The following ANKS1B variants were observed in gnomAD, a reference collection of about 807,000 sequenced individuals.
ANKS1B encodes the protein ankyrin repeat and sterile alpha motif domain containing 1B, also known as ankyrin repeat and sterile alpha motif domain-containing protein 1B.
ANKS1B carries 36 observed loss-of-function variants against 148.3 expected under a neutral mutation model. The ratio of observed to expected loss-of-function variants is 0.24; its 90% CI spans 0.19 to 0.32. The LOEUF is 0.32. Ranked by LOEUF, ANKS1B falls within the 10% of genes least tolerant of loss-of-function variation. ANKS1B has a pLI of 1.00. For synonymous variants in ANKS1B, 542 were observed against 560.8 expected, an observed-to-expected ratio of 0.97 and a Z score of 0.47; for missense variants, 1,157 against 1,542.6, an observed-to-expected ratio of 0.75 and a Z score of 4.19.
chr12:98,938,266 C>A (rs962650134), intron 17 of ANKS1B, among the ~76,000 whole-genome samples: 2 of 152,172 alleles, frequency 1.3e-5, no homozygotes, highest in Admixed American at 1.3e-4. Flanking sequence ...TATTAACCTA[C>A]GTTAAATTCT....
chr12:99,075,608 T>C (rs1336724615), intron 16 of ANKS1B, among the ~76,000 whole-genome samples: 1 of 152,128 alleles, frequency 6.6e-6, no homozygotes, highest in Non-Finnish European at 1.5e-5. Context: ...CATTGATTAC[T>C]CTTTCTTCCT....
intron 11 of ANKS1B, among the ~76,000 whole-genome samples, chr12:99,416,443 T>G (rs185255239): frequency 6.6e-6 from 1 of 152,364 alleles, no homozygotes; most frequent in East Asian, 1.9e-4. Context: ...TTTTCCAAAA[T>G]TGCTGTACAA....
intron 1 of ANKS1B, among the ~76,000 whole-genome samples, chr12:99,962,938 G>C (rs11110158): frequency 2.0e-5 from 3 of 150,664 alleles, no homozygotes; most frequent in African/African-American, 7.3e-5. Flanking sequence ...CTCAGCCTCC[G>C]GAGTAGCTGG....
chr12:98,865,986 C>T (rs565970460), intron 17 of ANKS1B, among the ~76,000 whole-genome samples: 2 of 152,080 alleles, frequency 1.3e-5, no homozygotes, highest in Admixed American at 6.5e-5. Context: ...TGTAACCTCA[C>T]GTGCAAGTGT....
At chr12:99,944,465 A>G (rs1245749013) in intron 1 of ANKS1B, among the ~76,000 whole-genome samples, 2 of 152,146 alleles carry the variant, frequency 1.3e-5, no homozygotes, top group African/African-American at 4.8e-5. Context: ...CCACACAGAC[A>G]TGGAAGGACA....
At chr12:99,425,644 A>T (rs1277427754) in intron 11 of ANKS1B, among the ~76,000 whole-genome samples, 1 of 151,914 alleles carries the variant, frequency 6.6e-6, no homozygotes, top group Non-Finnish European at 1.5e-5. Context: ...AGGTTATGTT[A>T]TAACTTTATT....
At chr12:99,189,005 G>C (rs557246183) in intron 14 of ANKS1B, among the ~76,000 whole-genome samples, 50 of 152,214 alleles carry the variant, frequency 3.3e-4, no homozygotes, top group Admixed American at 1.1e-3. Context: ...AATGATAAAG[G>C]AGATATCACC....
At chr12:99,281,657 C>T (rs2078474626) in intron 12 of ANKS1B, among the ~76,000 whole-genome samples, 1 of 152,162 alleles carries the variant, frequency 6.6e-6, no homozygotes, top group South Asian at 2.1e-4. Flanking sequence ...TATCAAACTT[C>T]ATGACTGTGA....
intron 12 of ANKS1B, among the ~76,000 whole-genome samples, chr12:99,353,031 C>A (rs896378160): frequency 6.6e-6 from 1 of 152,046 alleles, no homozygotes; most frequent in Non-Finnish European, 1.5e-5. Flanking sequence ...GTTATCCCCA[C>A]AAGTTTCACT....
At chr12:99,169,910 G>A (rs1216075974) in intron 14 of ANKS1B, among the ~76,000 whole-genome samples, 1 of 152,142 alleles carries the variant, frequency 6.6e-6, no homozygotes, top group African/African-American at 2.4e-5. Flanking sequence ...TGTTCCAGGT[G>A]CACAGGATGG....
At chr12:99,574,776 C>T (rs2097499465) in intron 9 of ANKS1B, among the ~76,000 whole-genome samples, 1 of 151,982 alleles carries the variant, frequency 6.6e-6, no homozygotes, top group Non-Finnish European at 1.5e-5. Flanking sequence ...GAAACTTTCT[C>T]AACCTGATAA....
intron 4 of ANKS1B, among the ~76,000 whole-genome samples, chr12:99,806,187 T>C (rs2067621910): frequency 6.6e-6 from 1 of 152,218 alleles, no homozygotes; most frequent in Admixed American, 6.5e-5. Flanking sequence ...TAACTTCTCA[T>C]GTGTATAGCC....
chr12:99,660,732 T>C (rs2098473435), intron 8 of ANKS1B, among the ~76,000 whole-genome samples: 2 of 152,170 alleles, frequency 1.3e-5, no homozygotes, highest in Non-Finnish European at 1.5e-5. Flanking sequence ...TTTTTTCATA[T>C]GAGAATGTGA....
At chr12:99,850,134 T>C (rs551094392) in intron 1 of ANKS1B, among the ~76,000 whole-genome samples, 1 of 152,246 alleles carries the variant, frequency 6.6e-6, no homozygotes, top group South Asian at 2.1e-4. Flanking sequence ...AAAAATACAA[T>C]TGTTTTATGT....
intron 1 of ANKS1B, among the ~76,000 whole-genome samples, chr12:99,860,960 A>G (rs548257914): frequency 6.6e-6 from 1 of 152,222 alleles, no homozygotes; most frequent in Admixed American, 6.5e-5. Flanking sequence ...AACCCAAATT[A>G]GTACATAAAC....
chr12:99,621,338 A>C (rs2098046277), intron 9 of ANKS1B, among the ~76,000 whole-genome samples: 1 of 152,046 alleles, frequency 6.6e-6, no homozygotes, highest in Non-Finnish European at 1.5e-5. Flanking sequence ...CAAGCACACA[A>C]TAGAAACTAC....
rs12309434 is a variant in ANKS1B at position 99,665,765 on chromosome 12, C to T, written c.1129-10555G>A. On this transcript the variant is annotated intron_variant, in intron 8 of 26. Coordinates refer to ENST00000683438, the MANE Select transcript of ANKS1B (RefSeq NM_001352186.2). ...CCTCCCAAAGTGCTGCGATTACAAC[C>T]TTAGCGTGAGCCAAGTTTCTTTGAC... Among the ~76,000 whole-genome samples, 1,474 of 152,314 alleles carry T rather than the reference C, an allele frequency of 9.7e-3. 31 individuals are homozygous for T. The highest frequency in any genetic ancestry group is 0.033 in the African/African-American group (1,381 of 41,570).
intron 14 of ANKS1B, among the ~76,000 whole-genome samples, chr12:99,178,250 T>A (rs2078643898): frequency 6.6e-6 from 1 of 152,200 alleles, no homozygotes; most frequent in South Asian, 2.1e-4. Context: ...CTTTTTAAAA[T>A]CATGATTATC....
chr12:99,570,734 C>T (rs952051182), intron 9 of ANKS1B, among the ~76,000 whole-genome samples: 4 of 151,630 alleles, frequency 2.6e-5, no homozygotes, highest in Admixed American at 6.6e-5. Context: ...ATACTATTCT[C>T]CCTATCTCTG....
Sources: gnomAD v4.1 joint callset for allele counts (sites outside exome capture counted in the v4.1 genomes callset) on GRCh38, gnomAD v4.1.1 for gene constraint, MANE v1.5 for transcripts, NCBI Gene and HGNC (gene_info 2026-07-23, HGNC 2026-07-21) for gene names.